Variants in PC observed in about 807,000 individuals in gnomAD.
PC encodes pyruvate carboxylase, also known as pyruvate carboxylase, mitochondrial.
PC carries 46 observed loss-of-function variants against 107.8 expected under a neutral mutation model. The observed-to-expected ratio is 0.43, with a 90% CI of 0.34 to 0.55. The LOEUF (loss-of-function observed/expected upper bound fraction) is 0.55, where lower values mean the gene tolerates loss of function less well. Among genes scored for constraint, PC ranks in the 20% least tolerant of loss-of-function variants. PC has a pLI of 0.04. For synonymous variants in PC, 662 were observed against 684.7 expected, an observed-to-expected ratio of 0.97 and a Z score of 0.52; for missense variants, 1,241 against 1,643.1, an observed-to-expected ratio of 0.76 and a Z score of 4.23.
Position 66,852,827 on chromosome 11 carries a change from A to G in PC, c.1523T>C (p.Met508Thr). Residue 508 changes from methionine to threonine, a missense_variant, in exon 14 of 23, where the codon ATG becomes ACG. Physicochemically the swap from Met to Thr is moderately conservative, Grantham distance 81. Around this residue, in one of 2 missense-constraint regions of PC, gnomAD observed 1,143 missense variants for 1,551.9 expected, o/e 0.74. Transcript: ENST00000393960. This position sits in a 1 kb window ranked among gnomAD's most constrained non-coding sequence, Gnocchi z 4.7. The part of the protein sequence containing the change: ...QKLLHYLGHV[M>T]VNGPTTPIPV... ...AATCGGGGTGGTTGGACCGTTTACC[A>G]TGACATGGCCTGGGGAGAAAGCGGG... 6.4e-7 allele frequency: 1 copy of G among 1,570,856 alleles called. No homozygotes were observed. Among genetic ancestry groups the G allele is most frequent in the Non-Finnish European group, 8.7e-7 (1 of 1,154,560 alleles).
intron 1 of PC, among the ~76,000 whole-genome samples, chr11:66,955,811 C>T (rs570131851): frequency 6.6e-5 from 10 of 150,426 alleles, no homozygotes; most frequent in Non-Finnish European, 1.3e-4. Context: ...TTCATGCTGT[C>T]GCCCAGGCTG....
Position 66,893,228 on chromosome 11 carries a change from A to G in PC, c.1-21069T>C, listed in dbSNP as rs568553028. Among the ~76,000 whole-genome samples the G allele has an allele frequency of 2.6e-5, 4 of 152,326 alleles. No homozygotes were observed. In the South Asian group the frequency reaches 8.3e-4, roughly 32 times the overall value. Reference sequence around the variant, plus strand: ...ACGTTGGTAGCCTGACACGGGCCACAGTGGGCATATTTATGCCACAGAAAT... The same window carrying G: ...ACGTTGGTAGCCTGACACGGGCCACGGTGGGCATATTTATGCCACAGAAAT... On this transcript the variant is annotated intron_variant, in intron 3 of 22. Transcript: ENST00000393960.
rs35235415 is a variant in PC, at chr11:66,852,650, C to T, written c.1614G>A (p.Pro538=). The T allele has an allele frequency of 6.4e-5, 103 of 1,613,610 alleles. No homozygotes were observed. The East Asian group carries it at 1.3e-3, about 21-fold the overall frequency. ...VVPAVPIGPP[P]AGFRDILLRE... ...GCAGCAGGATGTCTCTGAAACCAGCCGGGGGCGGGCCTAGGGTAGACAGGG... is the reference window on the plus strand; with the variant it reads ...GCAGCAGGATGTCTCTGAAACCAGCTGGGGGCGGGCCTAGGGTAGACAGGG... The change falls in exon 15 of 23, where the codon CCG becomes CCA. Residue 538 remains proline, a synonymous_variant. Transcript: ENST00000393960. The surrounding 1 kb of genome is among the most constrained non-coding windows in gnomAD (Gnocchi z 4.7).
At chr11:66,933,521 C>A (rs1948915960) in intron 3 of PC, among the ~76,000 whole-genome samples, 1 of 152,132 alleles carries the variant, frequency 6.6e-6, no homozygotes, top group Non-Finnish European at 1.5e-5. Flanking sequence ...TTTTCCCCGA[C>A]CTCAGGTCTT....
At chr11:66,948,012 A>AAGACAGATAGATAGATAGAT (rs529359165) in intron 3 of PC, among the ~76,000 whole-genome samples, 1 of 134,624 alleles carries the variant, frequency 7.4e-6, no homozygotes, top group African/African-American at 2.8e-5. Flanking sequence ...ATCTCTACTA[A>AAGACAGATAGATAGATAGAT]AGATAGATAG....
chr11:66,890,501 CTTT>C (rs542659083), intron 3 of PC, among the ~76,000 whole-genome samples: 12 of 128,880 alleles, frequency 9.3e-5, no homozygotes, highest in Non-Finnish European at 9.9e-5. Flanking sequence ...GCAGTTTCAT[CTTT>C]TTTTTTTTTT....
chr11:66,855,009 G>T (rs140278948), intron 12 of PC, among the ~76,000 whole-genome samples: 1 of 152,250 alleles, frequency 6.6e-6, no homozygotes, highest in South Asian at 2.1e-4. Context: ...TCACACCCTC[G>T]GCAGAGCTGA....
chr11:66,936,477 C>T (rs548817980), intron 3 of PC, among the ~76,000 whole-genome samples: 1 of 152,236 alleles, frequency 6.6e-6, no homozygotes, highest in African/African-American at 2.4e-5. Context: ...TTGGCAATTG[C>T]TCTATTTTTC....
In PC at chr11:66,848,670, G is replaced by A. The variant is rs965950746; in HGVS notation, c.*229C>T. 3.2e-6 allele frequency: 2 copies of A among 630,702 alleles called. No homozygotes were observed. The highest frequency in any genetic ancestry group is 3.7e-5 in the South Asian group (2 of 53,528). 39.1% of individuals were successfully genotyped at this position (630,702 alleles called of 1,614,324 possible). A position where few individuals can be genotyped will look rare whatever the true frequency, so the allele number is the denominator to read the frequency against. On this transcript the variant is annotated 3_prime_UTR_variant, in exon 23 of 23. Coordinates refer to ENST00000393960, the MANE Select transcript of PC (RefSeq NM_001040716.2). ...CCACTTGTAGTCTCCAGTGAGGAGG[G>A]GACCCTTATTTGGCAAGAGATGAAC...
rs375079698 is a variant in PC, at chr11:66,863,987, G to T, written c.1186-31C>A. On this transcript the variant is annotated intron_variant, in intron 11 of 22. Transcript: ENST00000393960. ...GGAAGGGTGAGGCGTGAGGACCTGC[G>T]CCAGAAACTGCGGTCAAAAGTGCCC... The T allele has an allele frequency of 3.1e-6, 5 of 1,611,294 alleles. No homozygotes were observed. The Admixed American group carries it at 6.7e-5, about 21-fold the overall frequency.
chr11:66,951,803 T>C (rs1246169225), intron 3 of PC, among the ~76,000 whole-genome samples: 2 of 151,832 alleles, frequency 1.3e-5, no homozygotes, highest in African/African-American at 2.4e-5. Context: ...GGCAGGAGAA[T>C]TGCTTGAACC....
At chr11:66,920,981 T>A (rs1764649997) in intron 3 of PC, among the ~76,000 whole-genome samples, 1 of 148,440 alleles carries the variant, frequency 6.7e-6, no homozygotes, top group Non-Finnish European at 1.5e-5. Context: ...GAGGTTGCAG[T>A]GAGCCGAGAT....
At chr11:66,880,030 C>A (rs1185234014) in intron 3 of PC, among the ~76,000 whole-genome samples, 1 of 152,176 alleles carries the variant, frequency 6.6e-6, no homozygotes, top group Non-Finnish European at 1.5e-5. Context: ...TCTCCCTGAC[C>A]CGCACACAAT....
chr11:66,866,197 C>T lies in PC; in HGVS notation c.1175G>A (p.Gly392Asp), dbSNP rs781583784. The T allele has an allele frequency of 1.2e-6, 2 of 1,608,922 alleles. No homozygotes were observed. Among genetic ancestry groups the T allele is most frequent in the Non-Finnish European group, 8.5e-7 (1 of 1,179,364 alleles). Residue 392 changes from glycine to aspartate, a missense_variant, in exon 11 of 23, where the codon GGC (glycine) becomes GAC (aspartate). By Grantham distance (94) the Gly-to-Asp change is moderately conservative (BLOSUM62 -1). This residue lies in a region of PC where 1,143 missense variants were observed against 1,551.9 expected (regional missense o/e 0.74). Coordinates refer to ENST00000393960, the MANE Select transcript of PC (RefSeq NM_001040716.2). The surrounding 1 kb of genome is among the most constrained non-coding windows in gnomAD (Gnocchi z 5.4). ...TCGAGCTCCGCCCACCTCAATGCGGCCGGTGTCCGGCTGGAAGCTGCGCGC... is the reference window on the plus strand; with the variant it reads ...TCGAGCTCCGCCCACCTCAATGCGGTCGGTGTCCGGCTGGAAGCTGCGCGC... ...DPARSFQPDTGRIEVFRSGEG... is the reference protein window; with the variant it reads ...DPARSFQPDTDRIEVFRSGEG...
At position 66,853,400 on chromosome 11, in the gene PC, G is replaced by A. The variant is rs940757947; in HGVS notation, c.1369-17C>T. The A allele has an allele frequency of 6.2e-6, 10 of 1,613,560 alleles. No homozygotes were observed. Among genetic ancestry groups the A allele is most frequent in the Non-Finnish European group, 8.5e-6 (10 of 1,179,940 alleles). ...GATGTTGGTCTGCAGGACAGAGGCG[G>A]GTGGGAGGGGGTCACCATGCAGCAC... On this transcript the variant is annotated splice_polypyrimidine_tract_variant and intron_variant, in intron 12 of 22. Transcript: ENST00000393960.
At chr11:66,855,840 G>A (rs929312313) in intron 12 of PC, among the ~76,000 whole-genome samples, 1 of 152,198 alleles carries the variant, frequency 6.6e-6, no homozygotes, top group Non-Finnish European at 1.5e-5. Context: ...CCTACAGGAG[G>A]AACTTGTTTT....
intron 3 of PC, among the ~76,000 whole-genome samples, chr11:66,935,112 G>A (rs147921736): frequency 6.6e-6 from 1 of 152,362 alleles, no homozygotes; most frequent in African/African-American, 2.4e-5. Context: ...CCAGTAAGGA[G>A]CTGTGCATAG....
At chr11:66,853,790 C>T (rs569083229) in intron 12 of PC, among the ~76,000 whole-genome samples, 10 of 152,340 alleles carry the variant, frequency 6.6e-5, no homozygotes, top group African/African-American at 2.2e-4. Context: ...CCAGCTGAGT[C>T]CAGCGGGCAT....
At chr11:66,855,894 AG>A (rs1945779864) in intron 12 of PC, among the ~76,000 whole-genome samples, 1 of 152,270 alleles carries the variant, frequency 6.6e-6, no homozygotes, top group Non-Finnish European at 1.5e-5. Flanking sequence ...CTGTGCTGAC[AG>A]GATCAGAATT....
Sources: allele counts gnomAD v4.1 joint callset (sites outside exome capture counted in the v4.1 genomes callset), GRCh38; gene constraint gnomAD v4.1.1; regional missense constraint gnomAD v4.1.1; non-coding constraint Gnocchi (gnomAD v3.1); transcripts MANE v1.5; gene names NCBI Gene and HGNC (gene_info 2026-07-23, HGNC 2026-07-21).